Variants in SEMA3A observed in about 807,000 individuals in gnomAD.
The protein encoded by SEMA3A is semaphorin-3A.
A neutral mutation model predicts 97.9 loss-of-function variants in SEMA3A; 29 were observed. That is an observed-to-expected ratio of 0.30 (90% CI 0.22 to 0.40). The LOEUF is 0.40. Among genes scored for constraint, SEMA3A ranks in the 10% least tolerant of loss-of-function variants. SEMA3A has a pLI of 1.00. For synonymous variants in SEMA3A, 321 were observed against 323.7 expected, an observed-to-expected ratio of 0.99 and a Z score of 0.09; for missense variants, 763 against 951.3, an observed-to-expected ratio of 0.80 and a Z score of 2.60.
chr7:83,998,268 C>G lies in SEMA3A; in HGVS notation c.1452+3687G>C, dbSNP rs372590954. 1.2e-4 allele frequency among the ~76,000 whole-genome samples: 19 copies of G among 152,284 alleles called. 1 individual carries two copies. Among genetic ancestry groups the G allele is most frequent in the African/African-American group, 4.3e-4 (18 of 41,568 alleles). On this transcript the variant is annotated intron_variant, in intron 12 of 16. Transcript: ENST00000265362. Reference sequence around the variant, plus strand: ...CCTACTACCTAGGCTAGATGATAGTCTGTTGCTCCTAGGATACGAACCTGT... The same window carrying G: ...CCTACTACCTAGGCTAGATGATAGTGTGTTGCTCCTAGGATACGAACCTGT...
chr7:84,061,871 C>G (rs568041708), intron 4 of SEMA3A, among the ~76,000 whole-genome samples: 1 of 152,224 alleles, frequency 6.6e-6, no homozygotes, highest in South Asian at 2.1e-4. Context: ...AATGATATTT[C>G]TTTAGGTTAG....
At chr7:84,290,713 A>G (rs891336225) in intron 3 of SEMA3A, among the ~76,000 whole-genome samples, 1 of 152,090 alleles carries the variant, frequency 6.6e-6, no homozygotes, top group African/African-American at 2.4e-5. Context: ...AAATGGGTCT[A>G]TTGCTACTGT....
intron 3 of SEMA3A, among the ~76,000 whole-genome samples, chr7:84,203,741 G>T (rs756894876): frequency 2.6e-4 from 40 of 151,252 alleles, no homozygotes; most frequent in Non-Finnish European, 4.4e-4. Flanking sequence ...AAGTTAGTCA[G>T]TCTGGTCTCG....
chr7:84,235,882 C>T (rs1799225074), intron 3 of SEMA3A, among the ~76,000 whole-genome samples: 1 of 152,104 alleles, frequency 6.6e-6, no homozygotes, highest in Admixed American at 6.6e-5. Flanking sequence ...CACTTGGCCC[C>T]TAAGAACAGA....
At chr7:84,295,534 C>T (rs1479091432) in intron 3 of SEMA3A, among the ~76,000 whole-genome samples, 3 of 152,000 alleles carry the variant, frequency 2.0e-5, no homozygotes, top group Non-Finnish European at 4.4e-5. Flanking sequence ...TTTCTATTGA[C>T]TGTGTGATTT....
chr7:84,468,987 TAAATA>T (rs1806075691), intron 1 of SEMA3A, among the ~76,000 whole-genome samples: 1 of 152,048 alleles, frequency 6.6e-6, no homozygotes, highest in South Asian at 2.1e-4. Flanking sequence ...TCAGGAAAAG[TAAATA>T]AAATGGTGAA....
intron 3 of SEMA3A, among the ~76,000 whole-genome samples, chr7:84,119,585 T>G (rs954035569): frequency 6.6e-6 from 1 of 152,280 alleles, no homozygotes; most frequent in South Asian, 2.1e-4. Flanking sequence ...TAGTCAAAAG[T>G]TGGTGATGGC....
chr7:84,049,599 T>C (rs369700764), intron 5 of SEMA3A, among the ~76,000 whole-genome samples: 3 of 152,256 alleles, frequency 2.0e-5, no homozygotes, highest in East Asian at 1.9e-4. Flanking sequence ...CTCAGTTGGC[T>C]TATTTTGGAG....
At position 84,217,102 on chromosome 7, in the gene SEMA3A, T is replaced by C. The variant is rs1386030053; in HGVS notation, c.-82-22434A>G. On this transcript the variant is annotated intron_variant, in intron 3 of 3. Transcript: ENST00000424555. The stretch of plus-strand genomic sequence containing the variant: ...ACTATTCAAAATAATTGCAAAAAGA[T>C]TGGCACAGCTGTAATGTGTTTTCAG... 3.3e-5 allele frequency among the ~76,000 whole-genome samples: 5 copies of C among 152,190 alleles called. 1 individual carries two copies. The South Asian group carries it at 6.2e-4, about 19-fold the overall frequency.
chr7:84,331,049 A>T (rs1164984171), intron 2 of SEMA3A, among the ~76,000 whole-genome samples: 1 of 152,154 alleles, frequency 6.6e-6, no homozygotes, highest in East Asian at 1.9e-4. Context: ...GTCATGACCT[A>T]TGTAGAAATG....
intron 3 of SEMA3A, among the ~76,000 whole-genome samples, chr7:84,203,982 A>C (rs1798424792): frequency 1.3e-5 from 2 of 152,138 alleles, no homozygotes; most frequent in African/African-American, 4.8e-5. Context: ...CTCCTTCAAA[A>C]CATAGGAAAT....
At chr7:84,263,302 G>A (rs1222072212) in intron 3 of SEMA3A, among the ~76,000 whole-genome samples, 1 of 152,196 alleles carries the variant, frequency 6.6e-6, no homozygotes, top group East Asian at 1.9e-4. Context: ...GGAAGTCCCA[G>A]TAACTCCCAC....
chr7:84,395,183 T>C (rs79354872), intron 1 of SEMA3A, among the ~76,000 whole-genome samples: 2,362 of 152,230 alleles, frequency 0.016, 67 homozygotes, highest in African/African-American at 0.053. Flanking sequence ...TGAGAATTTA[T>C]TACCGTAACA....
At chr7:84,350,379 A>G (rs923416951) in intron 2 of SEMA3A, among the ~76,000 whole-genome samples, 3 of 152,014 alleles carry the variant, frequency 2.0e-5, no homozygotes, top group African/African-American at 7.2e-5. Flanking sequence ...AAAGCAGAAA[A>G]TTTTCACTGA....
intron 1 of SEMA3A, among the ~76,000 whole-genome samples, chr7:84,461,766 C>T (rs1011152675): frequency 2.0e-5 from 3 of 152,080 alleles, no homozygotes; most frequent in Non-Finnish European, 1.5e-5. Context: ...AAAACTAAAG[C>T]ACATTGAGAA....
intron 1 of SEMA3A, among the ~76,000 whole-genome samples, chr7:84,407,755 C>G (rs562248208): frequency 1.3e-5 from 2 of 152,280 alleles, no homozygotes; most frequent in East Asian, 3.9e-4. Flanking sequence ...CTACAACTAT[C>G]TGATCTTTGA....
At chr7:84,374,219 T>C (rs1411608259) in intron 1 of SEMA3A, among the ~76,000 whole-genome samples, 2 of 152,214 alleles carry the variant, frequency 1.3e-5, no homozygotes, top group East Asian at 1.9e-4. Flanking sequence ...AAAATGTGAA[T>C]GTGTGTATCC....
intron 1 of SEMA3A, among the ~76,000 whole-genome samples, chr7:84,448,165 T>A (rs557860688): frequency 1.3e-5 from 2 of 152,044 alleles, no homozygotes; most frequent in South Asian, 4.2e-4. Flanking sequence ...CCAGGTCGAG[T>A]TGGAGGAAGG....
At chr7:84,166,012 C>T (rs1797194738) in intron 1 of SEMA3A, among the ~76,000 whole-genome samples, 2 of 152,106 alleles carry the variant, frequency 1.3e-5, no homozygotes, top group South Asian at 2.1e-4. Flanking sequence ...GTGGTTCATG[C>T]CTATAATCCC....
Sources: allele counts gnomAD v4.1 joint callset (sites outside exome capture counted in the v4.1 genomes callset), GRCh38; gene constraint gnomAD v4.1.1; transcripts MANE v1.5; gene names NCBI Gene and HGNC (gene_info 2026-07-23, HGNC 2026-07-21).